Variants in NT5DC1 observed in about 807,000 individuals in gnomAD.
NT5DC1 encodes 5'-nucleotidase domain containing 1.
NT5DC1 carries 42 observed loss-of-function variants against 59.4 expected under a neutral mutation model. The observed-to-expected ratio is 0.71, with a 90% CI of 0.55 to 0.92. NT5DC1 has a LOEUF of 0.92. NT5DC1 is among the 40% of genes least tolerant of loss of function. The pLI is 0.00. For synonymous variants in NT5DC1, 172 were observed against 188.1 expected, an observed-to-expected ratio of 0.91 and a Z score of 0.70; for missense variants, 501 against 537.1, an observed-to-expected ratio of 0.93 and a Z score of 0.66.
chr6:116,120,222 A>C, intron 6 of NT5DC1: 6 of 1,614,230 alleles, frequency 3.7e-6, no homozygotes, highest in Non-Finnish European at 5.1e-6. Flanking sequence ...TGATCCAGGT[A>C]GCCTTTGGTG....
At chr6:116,102,373 G>A (rs1456247725) in intron 1 of NT5DC1, among the ~76,000 whole-genome samples, 1 of 152,130 alleles carries the variant, frequency 6.6e-6, no homozygotes, top group Admixed American at 6.6e-5. Flanking sequence ...TTACCTTACA[G>A]GTCTGGTTTC....
chr6:116,180,323 A>G (rs1251995397), intron 6 of NT5DC1, among the ~76,000 whole-genome samples: 2 of 152,050 alleles, frequency 1.3e-5, no homozygotes, highest in Admixed American at 6.6e-5. Flanking sequence ...ACAAATTCTA[A>G]CGCAAGGTAA....
At chr6:116,141,922 A>ACACC (rs1779776278) in intron 6 of NT5DC1, among the ~76,000 whole-genome samples, 1 of 145,544 alleles carries the variant, frequency 6.9e-6, no homozygotes, top group African/African-American at 2.5e-5. Context: ...ACACACACAC[A>ACACC]CACACTGTAA....
At chr6:116,243,130 C>T (rs886807450) in intron 11 of NT5DC1, among the ~76,000 whole-genome samples, 1 of 152,062 alleles carries the variant, frequency 6.6e-6, no homozygotes. Context: ...TTTGAACTTC[C>T]GATTCTTCTT....
intron 6 of NT5DC1, among the ~76,000 whole-genome samples, chr6:116,213,977 T>C (rs1781638467): frequency 6.6e-6 from 1 of 152,104 alleles, no homozygotes; most frequent in Non-Finnish European, 1.5e-5. Flanking sequence ...TCCTCCCGCC[T>C]CACCTTCCCA....
intron 6 of NT5DC1, among the ~76,000 whole-genome samples, chr6:116,182,361 C>T (rs1289213351): frequency 6.6e-6 from 1 of 151,916 alleles, no homozygotes; most frequent in Non-Finnish European, 1.5e-5. Context: ...GTGTAAGTAT[C>T]TGTTTTGTAT....
At chr6:116,214,435 G>A (rs913598543) in intron 6 of NT5DC1, among the ~76,000 whole-genome samples, 6 of 152,084 alleles carry the variant, frequency 3.9e-5, no homozygotes, top group Non-Finnish European at 8.8e-5. Context: ...ACTTCTAGCC[G>A]AAATAGTGAG....
chr6:116,221,932 T>C (rs1046861654), intron 7 of NT5DC1, among the ~76,000 whole-genome samples: 7 of 152,196 alleles, frequency 4.6e-5, no homozygotes, highest in Non-Finnish European at 7.3e-5. Context: ...TACCAGGAAA[T>C]GTCTATGGTC....
Position 116,217,610 on chromosome 6 carries a change from A to G in NT5DC1, c.530-3444A>G, listed in dbSNP as rs1256319723. Among the ~76,000 whole-genome samples the G allele has an allele frequency of 2.0e-5, 3 of 152,126 alleles. No individual in the cohort carries two copies. In the East Asian group the frequency reaches 5.8e-4, roughly 29 times the overall value. ...ACTTTTTTCATAGGCTGCCTTAATC[A>G]TACATGAATAATATTATTTTTATCA... On this transcript the variant is annotated intron_variant, in intron 6 of 11. Transcript: ENST00000319550.
chr6:116,143,935 A>G (rs1779827756), intron 6 of NT5DC1, among the ~76,000 whole-genome samples: 1 of 152,222 alleles, frequency 6.6e-6, no homozygotes, highest in South Asian at 2.1e-4. Context: ...ATGCTTTATA[A>G]TAAAGAACTG....
At chr6:116,209,604 T>C (rs1204782) in intron 6 of NT5DC1, among the ~76,000 whole-genome samples, 64,550 of 151,724 alleles carry the variant, frequency 0.43, 17,702 homozygotes, top group African/African-American at 0.78. Flanking sequence ...TGTGACAAGC[T>C]TCCAAGGTTC....
intron 6 of NT5DC1, among the ~76,000 whole-genome samples, chr6:116,149,608 CTT>C (rs1402085495): frequency 6.6e-6 from 1 of 152,174 alleles, no homozygotes; most frequent in East Asian, 1.9e-4. Context: ...GGTATCTAGA[CTT>C]TATTGGAGAA....
At chr6:116,212,646 T>C (rs1446402711) in intron 6 of NT5DC1, among the ~76,000 whole-genome samples, 1 of 152,130 alleles carries the variant, frequency 6.6e-6, no homozygotes, top group Non-Finnish European at 1.5e-5. Context: ...ACCAATCTAG[T>C]TTTTTAAGAA....
At chr6:116,139,401 T>C (rs962446323) in intron 6 of NT5DC1, among the ~76,000 whole-genome samples, 15 of 152,162 alleles carry the variant, frequency 9.9e-5, no homozygotes, top group African/African-American at 3.6e-4. Flanking sequence ...CAAAGCAATA[T>C]TGAGAACAAT....
intron 4 of NT5DC1, among the ~76,000 whole-genome samples, chr6:116,114,889 C>T (rs933542681): frequency 2.0e-5 from 3 of 152,196 alleles, no homozygotes; most frequent in African/African-American, 7.2e-5. Flanking sequence ...AAGTTTGCCA[C>T]ATGGGCTCCA....
chr6:116,189,740 A>G (rs1358039420), intron 6 of NT5DC1, among the ~76,000 whole-genome samples: 1 of 152,024 alleles, frequency 6.6e-6, no homozygotes, highest in Non-Finnish European at 1.5e-5. Context: ...AATGATTTTA[A>G]TAGAACAGCA....
At chr6:116,165,733 T>A (rs755749348) in intron 6 of NT5DC1, among the ~76,000 whole-genome samples, 1 of 152,192 alleles carries the variant, frequency 6.6e-6, no homozygotes, top group Admixed American at 6.5e-5. Flanking sequence ...CACTTCCCCC[T>A]CTTCTAGGGG....
intron 6 of NT5DC1, among the ~76,000 whole-genome samples, chr6:116,159,817 C>G (rs1780286746): frequency 6.6e-6 from 1 of 152,170 alleles, no homozygotes; most frequent in African/African-American, 2.4e-5. Flanking sequence ...TCTATTATTT[C>G]CATCTTTATG....
intron 6 of NT5DC1, among the ~76,000 whole-genome samples, chr6:116,158,440 A>T (rs1021603944): frequency 1.3e-5 from 2 of 152,364 alleles, no homozygotes; most frequent in Non-Finnish European, 2.9e-5. Flanking sequence ...AGACAAGAAG[A>T]TAAAAACTTA....
Sources: allele counts gnomAD v4.1 joint callset (sites outside exome capture counted in the v4.1 genomes callset), GRCh38; gene constraint gnomAD v4.1.1; transcripts MANE v1.5; gene names NCBI Gene and HGNC (gene_info 2026-07-23, HGNC 2026-07-21).